Variants in CLIP2 observed in about 807,000 individuals in gnomAD.
The protein encoded by CLIP2 is CAP-Gly domain-containing linker protein 2.
In CLIP2, 41 loss-of-function variants were observed where a neutral mutation model predicts 111.7. The observed-to-expected ratio is 0.37, with a 90% CI of 0.29 to 0.48. CLIP2 has a LOEUF of 0.48. Ranked by LOEUF, CLIP2 falls within the 20% of genes least tolerant of loss-of-function variation. CLIP2 has a pLI of 0.99. For synonymous variants in CLIP2, 660 were observed against 644.2 expected, an observed-to-expected ratio of 1.02 and a Z score of -0.37; for missense variants, 1,160 against 1,422.1, an observed-to-expected ratio of 0.82 and a Z score of 2.96.
At chr7:74,396,333 G>A (rs34965815) in intron 13 of CLIP2, among the ~76,000 whole-genome samples, 45,010 of 151,928 alleles carry the variant, frequency 0.3, 7,200 homozygotes, top group East Asian at 0.54. Context: ...AAGCCAAGGC[G>A]GGAGGATCAC....
At position 74,397,224 on chromosome 7, in the gene CLIP2, G is replaced by T; in HGVS notation, c.2871G>T (p.Leu957=). The T allele has an allele frequency of 6.2e-7, 1 of 1,613,710 alleles. No individual in the cohort carries two copies. Among genetic ancestry groups the T allele is most frequent in the South Asian group, 1.1e-5 (1 of 91,030 alleles). ...ACATCCGGGGCCTGCGTGAAAAGCT[G>T]ACCGGGCTGGTATGTGGGGTAGGGG... ...KDDIRGLREK[L]TGLDKEKSLS... The change falls in exon 14 of 17, where the codon CTG becomes CTT. Residue 957 remains leucine (L), a synonymous_variant. Transcript: ENST00000223398.
chr7:74,307,022 C>T (rs1021287830), intron 1 of CLIP2, among the ~76,000 whole-genome samples: 9 of 152,234 alleles, frequency 5.9e-5, no homozygotes, highest in African/African-American at 1.9e-4. Flanking sequence ...TCTGTCCCAC[C>T]AGCACAGCTG....
intron 1 of CLIP2, among the ~76,000 whole-genome samples, chr7:74,312,504 A>T (rs1788666914): frequency 6.6e-6 from 1 of 152,086 alleles, no homozygotes; most frequent in Non-Finnish European, 1.5e-5. Context: ...ATTTACTGTC[A>T]CCAGAGACCA....
chr7:74,397,908 C>T (rs1350092419), intron 14 of CLIP2, among the ~76,000 whole-genome samples: 2 of 151,590 alleles, frequency 1.3e-5, no homozygotes, highest in Admixed American at 1.3e-4. Context: ...ACCTTGTGAT[C>T]CTCCTGCCTC....
At chr7:74,354,711 C>T (rs1179700264) in intron 4 of CLIP2, among the ~76,000 whole-genome samples, 1 of 151,992 alleles carries the variant, frequency 6.6e-6, no homozygotes, top group African/African-American at 2.4e-5. Context: ...GCGAAGGTTG[C>T]AGTGAGCTGA....
chr7:74,322,400 G>A (rs1788984309), intron 2 of CLIP2, among the ~76,000 whole-genome samples: 1 of 150,652 alleles, frequency 6.6e-6, no homozygotes, highest in Admixed American at 6.6e-5. Context: ...GAGGTCAGGA[G>A]TTCGAGACCA....
At chr7:74,399,629 T>G (rs1235270100) in intron 14 of CLIP2, among the ~76,000 whole-genome samples, 2 of 145,714 alleles carry the variant, frequency 1.4e-5, no homozygotes, top group Non-Finnish European at 3.0e-5. Context: ...AACCTCCACC[T>G]CCCGGGTTCA....
intron 4 of CLIP2, among the ~76,000 whole-genome samples, chr7:74,355,152 C>G (rs1330705169): frequency 1.3e-5 from 2 of 152,094 alleles, no homozygotes; most frequent in Non-Finnish European, 2.9e-5. Flanking sequence ...GTCACCATGG[C>G]ACAGGGGAAG....
intron 2 of CLIP2, among the ~76,000 whole-genome samples, chr7:74,331,809 A>G (rs1488983543): frequency 1.3e-5 from 2 of 151,932 alleles, no homozygotes; most frequent in Non-Finnish European, 2.9e-5. Flanking sequence ...TCCTGAACTC[A>G]GGTAATCCAC....
intron 2 of CLIP2, among the ~76,000 whole-genome samples, chr7:74,331,395 T>C (rs1355868601): frequency 1.3e-5 from 2 of 151,230 alleles, no homozygotes; most frequent in East Asian, 3.9e-4. Flanking sequence ...ATATGGAGGA[T>C]GGTGGAGGAG....
At chr7:74,395,668 G>A (rs974384983) in intron 13 of CLIP2, among the ~76,000 whole-genome samples, 17 of 152,252 alleles carry the variant, frequency 1.1e-4, no homozygotes, top group African/African-American at 4.1e-4. Flanking sequence ...CCTCTTCCTT[G>A]AAGCCTTTCT....
At chr7:74,388,416 C>G (rs1455982964) in intron 12 of CLIP2, among the ~76,000 whole-genome samples, 6 of 151,734 alleles carry the variant, frequency 4.0e-5, no homozygotes, top group Non-Finnish European at 8.8e-5. Flanking sequence ...AGGAGAATTG[C>G]TGCAACCTGG....
intron 1 of CLIP2, among the ~76,000 whole-genome samples, chr7:74,303,911 C>CA (rs34205594): frequency 0.18 from 22,146 of 124,676 alleles, 4,156 homozygotes; most frequent in African/African-American, 0.45. Context: ...GACTCGGTCT[C>CA]AAAAAAAAAA....
chr7:74,376,466 C>G lies in CLIP2; in HGVS notation c.2065C>G (p.Leu689Val). The change falls in exon 10 of 17, where the codon CTG (leucine) becomes GTG (valine). Residue 689 changes from leucine to valine, a missense_variant. This residue lies in a region of CLIP2 where 676 missense variants were observed against 777.8 expected (regional missense o/e 0.87). Coordinates refer to ENST00000223398, the MANE Select transcript of CLIP2 (RefSeq NM_003388.5). The surrounding 1 kb of genome is among the most constrained non-coding windows in gnomAD (Gnocchi z 7.1). Reference sequence around the variant, plus strand: ...GGAGAAGGAGGCCCTGCGAGAGAAGCTGCAGGAGGCCCAGGAGGAGCTGGC... The same window carrying G: ...GGAGAAGGAGGCCCTGCGAGAGAAGGTGCAGGAGGCCCAGGAGGAGCTGGC... ...VKEKEALREK[L>V]QEAQEELAGL... 1 of 1,613,370 alleles carries G rather than the reference C, an allele frequency of 6.2e-7. No individual in the cohort carries two copies. Among genetic ancestry groups the G allele is most frequent in the Non-Finnish European group, 8.5e-7 (1 of 1,179,900 alleles).
At chr7:74,373,115 T>C in intron 9 of CLIP2, 79 bp downstream of exon 9, 2 of 786,834 alleles carry the variant, frequency 2.5e-6, no homozygotes, top group South Asian at 1.6e-5. Context: ...TGTTTCATTA[T>C]TGACTCTCTT....
At chr7:74,368,465 C>T (rs1246363720) in intron 8 of CLIP2, among the ~76,000 whole-genome samples, 1 of 151,306 alleles carries the variant, frequency 6.6e-6, no homozygotes, top group Admixed American at 6.6e-5. Context: ...TGCAGTGAGC[C>T]GAGATCGCGT....
chr7:74,364,560 G>A (rs1010641014), intron 8 of CLIP2, among the ~76,000 whole-genome samples: 3 of 152,196 alleles, frequency 2.0e-5, no homozygotes, highest in Non-Finnish European at 2.9e-5. Context: ...ACCCAGGGCA[G>A]GGCAGATGGG....
intron 13 of CLIP2, among the ~76,000 whole-genome samples, chr7:74,390,461 G>A (rs1179963488): frequency 6.6e-6 from 1 of 151,968 alleles, no homozygotes; most frequent in Non-Finnish European, 1.5e-5. Flanking sequence ...CTTGAGCCAA[G>A]GACTTTGAGA....
chr7:74,343,076 T>C (rs1160055950), intron 3 of CLIP2, among the ~76,000 whole-genome samples: 1 of 150,276 alleles, frequency 6.7e-6, no homozygotes, highest in Admixed American at 6.6e-5. Flanking sequence ...TAATCCCAGC[T>C]ACTCAGGAGG....
Sources: allele counts gnomAD v4.1 joint callset (sites outside exome capture counted in the v4.1 genomes callset), GRCh38; gene constraint gnomAD v4.1.1; regional missense constraint gnomAD v4.1.1; non-coding constraint Gnocchi (gnomAD v3.1); transcripts MANE v1.5; gene names NCBI Gene and HGNC (gene_info 2026-07-23, HGNC 2026-07-21).